The following USP37 variants were observed in gnomAD, a reference collection of about 807,000 sequenced individuals.
USP37 encodes ubiquitin carboxyl-terminal hydrolase 37.
In USP37, 27 loss-of-function variants were observed where a neutral mutation model predicts 124.0. That is an observed-to-expected ratio of 0.22 (90% CI 0.16 to 0.30). The LOEUF (loss-of-function observed/expected upper bound fraction) is 0.30, where lower values mean the gene tolerates loss of function less well. USP37 is among the 10% of genes least tolerant of loss of function. The pLI is 1.00. For missense variants in USP37, 889 were observed against 1,140.4 expected, an observed-to-expected ratio of 0.78 and a Z score of 3.17; for synonymous variants, 365 against 388.0, an observed-to-expected ratio of 0.94 and a Z score of 0.70.
At chr2:218,491,569 C>T (rs1407742400) in intron 14 of USP37, among the ~76,000 whole-genome samples, 2 of 152,122 alleles carry the variant, frequency 1.3e-5, no homozygotes, top group East Asian at 1.9e-4. Context: ...TTGTTTTAAG[C>T]TAATATGTTT....
intron 1 of USP37, among the ~76,000 whole-genome samples, chr2:218,564,651 T>TG (rs906641096): frequency 2.0e-5 from 3 of 151,882 alleles, no homozygotes; most frequent in Non-Finnish European, 2.9e-5. Flanking sequence ...AAGGTGGGAG[T>TG]GGGGGGTAGA....
chr2:218,454,875 G>A lies in USP37; in HGVS notation c.*55C>T, dbSNP rs1689605387. 4 of 1,593,830 alleles carry A rather than the reference G, an allele frequency of 2.5e-6. No homozygotes were observed. ...TTCTCCTTCAGCAGAGGAAAGGTGA[G>A]GTGGGCAGCAGTAACAAATATGCAG... On this transcript the variant is annotated 3_prime_UTR_variant, in exon 26 of 26. Coordinates refer to ENST00000258399, the MANE Select transcript of USP37 (RefSeq NM_020935.3).
In USP37 at chr2:218,558,775, T is replaced by A. The variant is rs113031690; in HGVS notation, c.-24-98A>T. 621 of 932,178 alleles carry A rather than the reference T, an allele frequency of 6.7e-4. 3 individuals carry two copies. In the African/African-American group the frequency reaches 8.0e-3, roughly 12 times the overall value. 57.7% of individuals were successfully genotyped at this position (932,178 alleles called of 1,614,324 possible). On this transcript the variant is annotated intron_variant, in intron 3 of 25. Transcript: ENST00000258399. ...ACTAGTAATTAATTTCTAACCACCA[T>A]GCATTTCTTCTGCGCCTTCATTTTC...
intron 10 of USP37, among the ~76,000 whole-genome samples, chr2:218,526,099 T>G (rs936013232): frequency 6.6e-6 from 1 of 152,226 alleles, no homozygotes; most frequent in Non-Finnish European, 1.5e-5. Context: ...TGATGAGCAT[T>G]TAGGTTGATT....
intron 22 of USP37, among the ~76,000 whole-genome samples, chr2:218,460,990 TAA>T (rs1689989601): frequency 6.6e-6 from 1 of 151,712 alleles, no homozygotes; most frequent in Non-Finnish European, 1.5e-5. Context: ...ACCAAAAAAG[TAA>T]AGAGAATTCA....
At chr2:218,557,945 A>AAAAAAAAAAAAAAAAT (rs1559230844) in intron 4 of USP37, among the ~76,000 whole-genome samples, 1 of 148,574 alleles carries the variant, frequency 6.7e-6, no homozygotes, top group Non-Finnish European at 1.5e-5. Flanking sequence ...AAAAAAAAAA[A>AAAAAAAAAAAAAAAAT]AAAAAGGTGA....
At chr2:218,557,923 T>G (rs1279479853) in intron 4 of USP37, among the ~76,000 whole-genome samples, 1 of 19,730 alleles carries the variant, frequency 5.1e-5, no homozygotes, top group Non-Finnish European at 1.1e-4. Flanking sequence ...AGAGGAAGAC[T>G]CTGTCTCAAA....
At chr2:218,521,268 TAATAC>T (rs1690604032) in intron 10 of USP37, among the ~76,000 whole-genome samples, 2 of 152,348 alleles carry the variant, frequency 1.3e-5, no homozygotes, top group South Asian at 4.1e-4. Context: ...GAGAACAGAC[TAATAC>T]AATAGGCTAC....
chr2:218,521,735 TAC>T (rs1356709237), intron 10 of USP37, among the ~76,000 whole-genome samples: 1 of 152,226 alleles, frequency 6.6e-6, no homozygotes. Context: ...GTCTGGATCC[TAC>T]ACTAATTTTT....
chr2:218,466,766 G>T (rs1162054466), intron 20 of USP37, among the ~76,000 whole-genome samples: 2 of 151,866 alleles, frequency 1.3e-5, no homozygotes, highest in Non-Finnish European at 2.9e-5. Context: ...ACAGTGTCTT[G>T]CTCTCTCACC....
intron 3 of USP37, among the ~76,000 whole-genome samples, chr2:218,559,596 T>C (rs1311786147): frequency 6.6e-6 from 1 of 152,196 alleles, no homozygotes; most frequent in East Asian, 1.9e-4. Context: ...TAAACTACCA[T>C]TCCTAGAAAG....
In USP37 at chr2:218,479,735, T is replaced by C. The variant is rs1232523688; in HGVS notation, c.1836-20A>G. ...CTAGAACTATCAGAAAATTAGAAAA[T>C]ATATAATGTATACAAATGAATTATT... On this transcript the variant is annotated intron_variant, in intron 17 of 25. Transcript: ENST00000258399. 10 of 1,454,700 alleles carry C rather than the reference T, an allele frequency of 6.9e-6. No individual in the cohort carries two copies. In the South Asian group the frequency reaches 1.0e-4, roughly 15 times the overall value. The allele number at this position is 1,454,700 out of a possible 1,614,324, so 90.1% of individuals were successfully genotyped here.
chr2:218,507,277 C>A (rs1468508860), intron 11 of USP37, among the ~76,000 whole-genome samples: 2 of 152,032 alleles, frequency 1.3e-5, no homozygotes, highest in Non-Finnish European at 2.9e-5. Context: ...CCCTCCTCTG[C>A]CTCCCAAGTA....
At chr2:218,460,527 A>G (rs1337847903) in intron 22 of USP37, among the ~76,000 whole-genome samples, 2 of 152,198 alleles carry the variant, frequency 1.3e-5, no homozygotes, top group South Asian at 2.1e-4. Flanking sequence ...CAATTTCACT[A>G]AATTCTATAT....
In USP37 at chr2:218,454,872, T is replaced by G. The variant is rs1189740499; in HGVS notation, c.*58A>C. 1.5e-5 allele frequency: 24 copies of G among 1,591,906 alleles called. 1 individual carries two copies. The Admixed American group carries it at 4.4e-4, about 29-fold the overall frequency. On this transcript the variant is annotated 3_prime_UTR_variant, in exon 26 of 26. Transcript: ENST00000258399. Reference sequence around the variant, plus strand: ...AAATTCTCCTTCAGCAGAGGAAAGGTGAGGTGGGCAGCAGTAACAAATATG... The same window carrying G: ...AAATTCTCCTTCAGCAGAGGAAAGGGGAGGTGGGCAGCAGTAACAAATATG...
Position 218,453,233 on chromosome 2 carries a change from G to C in USP37, c.*1697C>G, listed in dbSNP as rs1689537136. 6.6e-6 allele frequency: 1 copy of C among 151,772 alleles called. No homozygotes were observed. The highest frequency in any genetic ancestry group is 2.1e-4 in the South Asian group (1 of 4,802). The allele number at this position is 151,772 out of a possible 1,614,324, so 9.4% of individuals were successfully genotyped here. On this transcript the variant is annotated 3_prime_UTR_variant, in exon 26 of 26. Transcript: ENST00000258399. ...TTTCAGAAAAGATGTTGCATCTTCT[G>C]TGATGATGGTTTGTGTTTTTTTTGT...
chr2:218,533,569 C>G (rs1397331012), intron 9 of USP37, among the ~76,000 whole-genome samples: 1 of 152,122 alleles, frequency 6.6e-6, no homozygotes, highest in Admixed American at 6.5e-5. Flanking sequence ...TGTTTTTTAA[C>G]TATAGGCTGA....
rs188409182 is a variant in USP37 at position 218,489,268 on chromosome 2, G to T, written c.1473-847C>A. On this transcript the variant is annotated intron_variant, in intron 14 of 25. Coordinates refer to ENST00000258399, the MANE Select transcript of USP37 (RefSeq NM_020935.3). ...AGCTACTTGGGAGGCTGAGGCAGGAGAATCACTTGAACCCAGGAGGCGGAG... is the reference window on the plus strand; with the variant it reads ...AGCTACTTGGGAGGCTGAGGCAGGATAATCACTTGAACCCAGGAGGCGGAG... Among the ~76,000 whole-genome samples, 1,230 of 149,734 alleles carry T rather than the reference G, an allele frequency of 8.2e-3. 91 individuals are homozygous for T. The East Asian group carries it at 0.17, about 21-fold the overall frequency.
chr2:218,459,231 C>T (rs1007270703), intron 23 of USP37, among the ~76,000 whole-genome samples: 5 of 152,016 alleles, frequency 3.3e-5, no homozygotes, highest in Non-Finnish European at 7.4e-5. Context: ...GATGGAGTTT[C>T]GCTCTTGTTG....
Sources: gnomAD v4.1 joint callset for allele counts (sites outside exome capture counted in the v4.1 genomes callset) on GRCh38, gnomAD v4.1.1 for gene constraint, MANE v1.5 for transcripts, NCBI Gene and HGNC (gene_info 2026-07-23, HGNC 2026-07-21) for gene names.